MPHOSPH9: variants seen among roughly 807,000 people sequenced by gnomAD.
The protein encoded by MPHOSPH9 is M-phase phosphoprotein 9.
MPHOSPH9 carries 88 observed loss-of-function variants against 145.5 expected under a neutral mutation model. The observed-to-expected ratio is 0.60, with a 90% CI of 0.51 to 0.72. MPHOSPH9 has a LOEUF of 0.72. MPHOSPH9 is among the 30% of genes least tolerant of loss of function. The probability of loss-of-function intolerance (pLI) is 0.00; values close to 1 mark genes in which losing one functional copy is unlikely to be tolerated. For synonymous variants in MPHOSPH9, 435 were observed against 486.2 expected, an observed-to-expected ratio of 0.89 and a Z score of 1.39; for missense variants, 1,238 against 1,386.6, an observed-to-expected ratio of 0.89 and a Z score of 1.70.
intron 13 of MPHOSPH9, among the ~76,000 whole-genome samples, chr12:123,183,547 CAAAAAAAA>C (rs746928699): frequency 3.3e-5 from 2 of 59,990 alleles, no homozygotes; most frequent in Non-Finnish European, 5.5e-5. Context: ...GACTCTGTCT[CAAAAAAAA>C]AAAAAAAAAA....
Position 123,176,690 on chromosome 12 carries a change from G to A in MPHOSPH9, c.2454C>T (p.Ala818=), listed in dbSNP as rs1470324131. 6.2e-7 allele frequency: 1 copy of A among 1,607,772 alleles called. No homozygotes were observed. Among genetic ancestry groups the A allele is most frequent in the Non-Finnish European group, 8.5e-7 (1 of 1,174,508 alleles). Residue 818 remains alanine (A), a splice_region_variant and synonymous_variant, in exon 16 of 24, where the codon GCC becomes GCT. Transcript: ENST00000606320. ...NSRIHVRPSR[A]NTLATSDVSR... is the part of the protein sequence containing the mutation. ...AGAGAGTAAATGAAATAACTTACTT[G>A]GCACGCGAGGGTCTCACGTGAATTC... is the stretch of plus-strand genomic sequence containing the variant.
rs1374342730 is a variant in MPHOSPH9 at position 123,159,638 on chromosome 12, T to C, written c.3450+1143A>G. ...TTAGAAATTTGCATTTCTTTGGACCTAGCATTTTTATTTCTGGGAATGACT... is the reference window on the plus strand; with the variant it reads ...TTAGAAATTTGCATTTCTTTGGACCCAGCATTTTTATTTCTGGGAATGACT... On this transcript the variant is annotated intron_variant, in intron 23 of 23. Coordinates refer to ENST00000606320, the MANE Select transcript of MPHOSPH9 (RefSeq NM_022782.4). The surrounding 1 kb of genome is among the most constrained non-coding windows in gnomAD (Gnocchi z 4.3). 6.6e-6 allele frequency: 1 copy of C among 152,160 alleles called. No individual in the cohort carries two copies. The highest frequency in any genetic ancestry group is 2.4e-5 in the African/African-American group (1 of 41,424). 9.4% of individuals were successfully genotyped at this position (152,160 alleles called of 1,614,324 possible).
intron 17 of MPHOSPH9, 60 bp from the exon 18 acceptor site, chr12:123,165,537 C>G (rs1593069956): frequency 7.0e-7 from 1 of 1,422,686 alleles, no homozygotes; most frequent in Non-Finnish European, 9.7e-7. Context: ...TCTTGCCCCC[C>G]GCCCCCACAC....
intron 4 of MPHOSPH9, among the ~76,000 whole-genome samples, chr12:123,222,455 G>A (rs1156433921): frequency 6.6e-6 from 1 of 152,130 alleles, no homozygotes; most frequent in African/African-American, 2.4e-5. Flanking sequence ...CAAGAGGTCA[G>A]GAGTCCCAGA....
At chr12:123,203,704 G>A (rs1320559599) in intron 8 of MPHOSPH9, among the ~76,000 whole-genome samples, 1 of 152,108 alleles carries the variant, frequency 6.6e-6, no homozygotes, top group African/African-American at 2.4e-5. Context: ...GTTTCTTTGA[G>A]ACAAGGTCTC....
rs1039152324 is a variant in MPHOSPH9, at chr12:123,174,863, G to T, written c.2456+1825C>A. Among the ~76,000 whole-genome samples the T allele has an allele frequency of 2.0e-5, 3 of 152,072 alleles. No individual in the cohort carries two copies. In the South Asian group the frequency reaches 6.2e-4, roughly 32 times the overall value. On this transcript the variant is annotated intron_variant, in intron 16 of 23. Coordinates refer to ENST00000606320, the MANE Select transcript of MPHOSPH9 (RefSeq NM_022782.4). ...TTTAGTTGTTTGAGAGAGAAACCAAGGAATTATTCCAACACCTCCCTTTCT... is the reference window on the plus strand; with the variant it reads ...TTTAGTTGTTTGAGAGAGAAACCAATGAATTATTCCAACACCTCCCTTTCT...
intron 5 of MPHOSPH9, among the ~76,000 whole-genome samples, chr12:123,219,203 C>T (rs2138569686): frequency 6.6e-6 from 1 of 152,126 alleles, no homozygotes; most frequent in South Asian, 2.1e-4. Flanking sequence ...CTGCGCCCAG[C>T]CAGTTGTTTT....
At chr12:123,203,147 A>G (rs1182885545) in intron 9 of MPHOSPH9, 63 bp from the exon 10 acceptor site, 6 of 1,586,932 alleles carry the variant, frequency 3.8e-6, no homozygotes, top group African/African-American at 1.4e-5. Context: ...CTTGTTTTGA[A>G]GTGAGTAGGC....
rs547063962 is a variant in MPHOSPH9, at chr12:123,155,187, G to A, written c.*1620C>T. On this transcript the variant is annotated 3_prime_UTR_variant, in exon 24 of 24. Coordinates refer to ENST00000606320, the MANE Select transcript of MPHOSPH9 (RefSeq NM_022782.4). ...CATTGCACTCCAGCCTGGGCAACAAGGGCAAAACTCCATCTAAAAAAATAA... is the reference window on the plus strand; with the variant it reads ...CATTGCACTCCAGCCTGGGCAACAAAGGCAAAACTCCATCTAAAAAAATAA... The A allele has an allele frequency of 6.6e-6, 1 of 150,538 alleles. No homozygotes were observed. The highest frequency in any genetic ancestry group is 6.7e-5 in the Admixed American group (1 of 14,894). 9.3% of individuals were successfully genotyped at this position (150,538 alleles called of 1,614,324 possible). A position where few individuals can be genotyped will look rare whatever the true frequency, so the allele number is the denominator to read the frequency against.
chr12:123,175,139 G>A (rs960062088), intron 16 of MPHOSPH9, among the ~76,000 whole-genome samples: 1 of 151,902 alleles, frequency 6.6e-6, no homozygotes, highest in African/African-American at 2.4e-5. Context: ...AATGGACTTA[G>A]GGCAAGATCT....
chr12:123,173,737 A>G (rs2044698426), intron 16 of MPHOSPH9, among the ~76,000 whole-genome samples: 1 of 152,218 alleles, frequency 6.6e-6, no homozygotes, highest in African/African-American at 2.4e-5. Context: ...ACTGGGAAAG[A>G]AACTCCTGTG....
At chr12:123,221,983 T>C in intron 4 of MPHOSPH9, 88 bp from the exon 5 acceptor site, 1 of 729,202 alleles carries the variant, frequency 1.4e-6, no homozygotes, top group Non-Finnish European at 2.2e-6. Context: ...TGTTTCAAAA[T>C]ATGATGAGAT....
chr12:123,194,134 T>C (rs930019110), intron 13 of MPHOSPH9, among the ~76,000 whole-genome samples: 1 of 151,984 alleles, frequency 6.6e-6, no homozygotes, highest in African/African-American at 2.4e-5. Flanking sequence ...CCGGGCGCAG[T>C]GGTGGGCTCC....
intron 18 of MPHOSPH9, 49 bp from the exon 19 acceptor site, chr12:123,164,139 C>T: frequency 1.2e-6 from 2 of 1,610,068 alleles, no homozygotes; most frequent in Non-Finnish European, 1.7e-6. Flanking sequence ...CAAAACAAGC[C>T]TACGCTTCAG....
chr12:123,152,341 T>A, downstream of MPHOSPH9: 1 of 310,372 alleles, frequency 3.2e-6, no homozygotes, highest in Non-Finnish European at 6.4e-6. Flanking sequence ...CCACAAGTAT[T>A]TATTGAGTGC....
intron 1 of MPHOSPH9, among the ~76,000 whole-genome samples, chr12:123,231,691 C>T (rs1385657159): frequency 6.6e-6 from 1 of 151,816 alleles, no homozygotes; most frequent in African/African-American, 2.4e-5. Context: ...ACCAAGACCC[C>T]ATCTCTTAAA....
At chr12:123,233,280 G>C (rs2047754401), upstream of MPHOSPH9, 1 of 152,320 alleles carries the variant, frequency 6.6e-6, no homozygotes, top group African/African-American at 2.4e-5. Context: ...CCCCGGGGGA[G>C]TGACAAGGGG....
chr12:123,166,670 T>C lies in MPHOSPH9; in HGVS notation c.2576A>G (p.Glu859Gly). The C allele has an allele frequency of 6.2e-7, 1 of 1,613,468 alleles. No individual in the cohort carries two copies. Among genetic ancestry groups the C allele is most frequent in the Non-Finnish European group, 8.5e-7 (1 of 1,179,840 alleles). The change falls in exon 17 of 24, where the codon GAA (glutamate) becomes GGA (glycine). Residue 859 changes from glutamate to glycine, a missense_variant. By Grantham distance (98) the Glu-to-Gly change is moderately conservative (BLOSUM62 -2). Around this residue, in one of 3 missense-constraint regions of MPHOSPH9, gnomAD observed 393 missense variants for 462.5 expected, o/e 0.85. Transcript: ENST00000606320. Reference protein sequence around the residue: ...QDSNVDNQLEETCSLGHRSPL... With the variant: ...QDSNVDNQLEGTCSLGHRSPL... ...GTTATCTCACCCTAGGCTACAGGTT[T>C]CCTCCAGCTGGTTATCCACGTTACT... is the stretch of plus-strand genomic sequence containing the variant.
At chr12:123,208,334 C>T (rs537006875) in intron 8 of MPHOSPH9, among the ~76,000 whole-genome samples, 5 of 151,488 alleles carry the variant, frequency 3.3e-5, no homozygotes, top group Non-Finnish European at 7.4e-5. Flanking sequence ...GTCAAGAGAT[C>T]GAGACCATCC....
Sources: gnomAD v4.1 joint callset for allele counts (sites outside exome capture counted in the v4.1 genomes callset) on GRCh38, gnomAD v4.1.1 for gene constraint, gnomAD v4.1.1 regional missense constraint, Gnocchi (gnomAD v3.1) non-coding constraint, MANE v1.5 for transcripts, NCBI Gene and HGNC (gene_info 2026-07-23, HGNC 2026-07-21) for gene names.